The following SMYD4 variants were observed in gnomAD, a reference collection of about 807,000 sequenced individuals.
The protein encoded by SMYD4 is protein-lysine N-methyltransferase SMYD4.
Under a neutral mutation model 72.8 loss-of-function variants are expected in SMYD4, and 68 were observed. The ratio of observed to expected loss-of-function variants is 0.93; its 90% CI spans 0.77 to 1.14. The LOEUF (loss-of-function observed/expected upper bound fraction) is 1.14. Ranked by LOEUF, SMYD4 falls within the 50% of genes most tolerant of loss-of-function variation. SMYD4 has a pLI of 0.00. For synonymous variants in SMYD4, 407 were observed against 388.6 expected (o/e 1.05, Z -0.56); for missense variants, 984 against 1,003.7 (o/e 0.98, Z 0.27).
chr17:1,801,112 T>G, intron 4 of SMYD4, 88 bp from the exon 5 acceptor site: 1 of 1,222,076 alleles, frequency 8.2e-7, no homozygotes, highest in Non-Finnish European at 1.1e-6. Flanking sequence ...TACAGGAAAG[T>G]TAAGGATTAT....
intron 4 of SMYD4, among the ~76,000 whole-genome samples, chr17:1,803,203 T>G (rs1909864062): frequency 6.6e-6 from 1 of 152,176 alleles, no homozygotes; most frequent in Non-Finnish European, 1.5e-5. Flanking sequence ...TTTTCTCTGT[T>G]GCAACAATTA....
At chr17:1,824,607 T>A (rs1911065054) in intron 2 of SMYD4, among the ~76,000 whole-genome samples, 1 of 151,200 alleles carries the variant, frequency 6.6e-6, no homozygotes, top group Non-Finnish European at 1.5e-5. Context: ...GAAATCTGAT[T>A]ATTTTATTTA....
rs936204821 is a variant in SMYD4, at chr17:1,819,219, CA to C, written c.135-7105del. Among the ~76,000 whole-genome samples the C allele has an allele frequency of 4.6e-4, 70 of 151,870 alleles. 1 individual carries two copies. Among genetic ancestry groups the C allele is most frequent in the African/African-American group, 1.7e-3 (69 of 41,414 alleles). On this transcript the variant is annotated intron_variant, in intron 2 of 10. Transcript: ENST00000305513. ...TAAAAATACAAAAATTAGCCAGGCA[CA>C]GTGGTGCATGCCTGTAATCCCAGCT... is the stretch of plus-strand genomic sequence containing the variant.
At chr17:1,804,593 C>T in intron 4 of SMYD4, 33 bp downstream of exon 4, 1 of 1,597,110 alleles carries the variant, frequency 6.3e-7, no homozygotes, top group Non-Finnish European at 8.6e-7. Context: ...CCTCCGGATC[C>T]TGTCCTCTCA....
intron 5 of SMYD4, among the ~76,000 whole-genome samples, chr17:1,795,599 C>T (rs1316100624): frequency 4.6e-5 from 7 of 152,018 alleles, no homozygotes; most frequent in Non-Finnish European, 7.3e-5. Context: ...CCTGCCATCA[C>T]GCACAGCTAA....
chr17:1,796,460 T>G (rs1372376604), intron 5 of SMYD4, among the ~76,000 whole-genome samples: 4 of 150,528 alleles, frequency 2.7e-5, no homozygotes, highest in African/African-American at 9.8e-5. Flanking sequence ...TTTTTTGAGA[T>G]GGAGTCTCCC....
chr17:1,826,364 C>T (rs1911168228), intron 2 of SMYD4, among the ~76,000 whole-genome samples: 1 of 151,706 alleles, frequency 6.6e-6, no homozygotes, highest in African/African-American at 2.4e-5. Context: ...TGGTGGAATG[C>T]GCCTGCAATC....
At chr17:1,811,834 G>A (rs371957880) in intron 3 of SMYD4, 137 bp downstream of exon 3, 15 of 857,962 alleles carry the variant, frequency 1.7e-5, no homozygotes, top group East Asian at 1.6e-4. Context: ...GACTAAGGTG[G>A]GAGGATCGCT....
chr17:1,827,345 GAAAAAAAGAAAAAA>G (rs1225862100), intron 2 of SMYD4, among the ~76,000 whole-genome samples: 3 of 103,544 alleles, frequency 2.9e-5, no homozygotes, highest in East Asian at 2.5e-4. Context: ...TCAAGAAAAA[GAAAAAAAGAAAAAA>G]AAAAAAAGAA....
intron 2 of SMYD4, among the ~76,000 whole-genome samples, chr17:1,815,706 G>GTT (rs112578899): frequency 0.053 from 7,682 of 145,210 alleles, 645 homozygotes; most frequent in African/African-American, 0.17. Context: ...GCAATCTAAT[G>GTT]TTTTTTTTTT....
At chr17:1,818,046 C>CTA (rs1910715304) in intron 2 of SMYD4, among the ~76,000 whole-genome samples, 1 of 103,266 alleles carries the variant, frequency 9.7e-6, no homozygotes, top group African/African-American at 3.8e-5. Flanking sequence ...GACTCTGTCT[C>CTA]AAAAAAAAAA....
intron 4 of SMYD4, among the ~76,000 whole-genome samples, chr17:1,803,106 C>T (rs889511178): frequency 9.8e-5 from 15 of 152,346 alleles, no homozygotes; most frequent in South Asian, 4.1e-4. Context: ...CACGCCACTG[C>T]ACTGACGCCT....
At chr17:1,816,804 TTC>T (rs1910624041) in intron 2 of SMYD4, among the ~76,000 whole-genome samples, 1 of 151,726 alleles carries the variant, frequency 6.6e-6, no homozygotes, top group Non-Finnish European at 1.5e-5. Context: ...TGGTGTGTGT[TTC>T]TCTGATTATG....
rs750684629 is a variant in SMYD4 at position 1,787,450 on chromosome 17, T to C, written c.1692A>G (p.Arg564=). Residue 564 remains arginine (R), a synonymous_variant, in exon 6 of 11, where the codon AGA becomes AGG. Transcript: ENST00000305513. ...VATIRASQRI[R]KGQEILHCYG... is the part of the protein sequence containing the mutation. Reference sequence around the variant, plus strand: ...AGCAGTGGAGAATCTCTTGCCCCTTTCTAATCCGCTGTGACGCCCGGATGG... The same window carrying C: ...AGCAGTGGAGAATCTCTTGCCCCTTCCTAATCCGCTGTGACGCCCGGATGG... 11 of 1,559,804 alleles carry C rather than the reference T, an allele frequency of 7.1e-6. No homozygotes were observed. In the African/African-American group the frequency reaches 1.5e-4, roughly 21 times the overall value.
intron 2 of SMYD4, among the ~76,000 whole-genome samples, chr17:1,821,839 G>A (rs7501548): frequency 0.65 from 97,663 of 150,794 alleles, 33,305 homozygotes; most frequent in Non-Finnish European, 0.79. Flanking sequence ...GCTGAGGCAT[G>A]AGAATCGCTT....
At chr17:1,811,838 G>C (rs904601191) in intron 3 of SMYD4, 133 bp downstream of exon 3, 1 of 891,962 alleles carries the variant, frequency 1.1e-6, no homozygotes, top group Admixed American at 2.8e-5. Flanking sequence ...AAGGTGGGAG[G>C]ATCGCTTGAA....
At chr17:1,829,580 CCCACCCCCCACCG>C (rs1391224638) in intron 1 of SMYD4, 133 bp downstream of exon 1, 2 of 152,242 alleles carry the variant, frequency 1.3e-5, no homozygotes, top group African/African-American at 4.8e-5. Context: ...ACCCCCCACC[CCCACCCCCCACCG>C]CCACGGTGCC....
rs182748358 is a variant in SMYD4, at chr17:1,824,238, G to A, written c.134+3623C>T. ...TGTGCCTGTAACCCTAGCTACTTGG[G>A]AGGCTGAGACAGGAGAATCGCTTGA... On this transcript the variant is annotated intron_variant, in intron 2 of 10. Coordinates refer to ENST00000305513, the MANE Select transcript of SMYD4 (RefSeq NM_052928.3). Among the ~76,000 whole-genome samples the A allele has an allele frequency of 7.2e-5, 11 of 152,282 alleles. No individual in the cohort carries two copies. In the East Asian group the frequency reaches 2.1e-3, roughly 29 times the overall value.
chr17:1,803,627 G>A (rs539805983), intron 4 of SMYD4, among the ~76,000 whole-genome samples: 239 of 152,206 alleles, frequency 1.6e-3, no homozygotes, highest in Middle Eastern at 6.8e-3. Flanking sequence ...AGCCTCCTGA[G>A]TAGCTGGGAT....
Sources: gnomAD v4.1 joint callset for allele counts (sites outside exome capture counted in the v4.1 genomes callset) on GRCh38, gnomAD v4.1.1 for gene constraint, MANE v1.5 for transcripts, NCBI Gene and HGNC (gene_info 2026-07-23, HGNC 2026-07-21) for gene names.